EGF: variants seen among roughly 807,000 people sequenced by gnomAD.
The protein encoded by EGF is epidermal growth factor.
A neutral mutation model predicts 143.8 loss-of-function variants in EGF; 95 were observed. The observed-to-expected ratio is 0.66, with a 90% CI of 0.56 to 0.78. The LOEUF is 0.78. Among genes scored for constraint, EGF ranks in the 30% least tolerant of loss-of-function variants. EGF has a pLI of 0.00. For synonymous variants in EGF, 510 were observed against 510.5 expected, an observed-to-expected ratio of 1.00 and a Z score of 0.01; for missense variants, 1,320 against 1,470.9, an observed-to-expected ratio of 0.90 and a Z score of 1.68.
chr4:109,990,431 G>A (rs1252506729), intron 18 of EGF, among the ~76,000 whole-genome samples: 2 of 152,178 alleles, frequency 1.3e-5, no homozygotes, highest in Admixed American at 1.3e-4. Context: ...GAGCATGGGG[G>A]ATAAGTAATT....
chr4:110,004,766 T>A, intron 22 of EGF, 144 bp downstream of exon 22: 1 of 192,318 alleles, frequency 5.2e-6, no homozygotes, highest in South Asian at 5.1e-5. Flanking sequence ...CCACATCAGC[T>A]AGGGAGGTCC....
chr4:109,927,031 T>C (rs974636242), intron 1 of EGF, among the ~76,000 whole-genome samples: 54 of 152,244 alleles, frequency 3.5e-4, no homozygotes, highest in African/African-American at 1.3e-3. Context: ...AGTTTTTGTC[T>C]TTTTAAATCC....
At chr4:110,001,859 A>G (rs1296042574) in intron 21 of EGF, 1 of 985,300 alleles carries the variant, frequency 1.0e-6, no homozygotes, top group Non-Finnish European at 1.2e-6. Flanking sequence ...AAATGCATCC[A>G]GAGTTGTACA....
At chr4:109,993,143 C>A in intron 18 of EGF, 104 bp from the exon 19 acceptor site, 2 of 1,453,680 alleles carry the variant, frequency 1.4e-6, no homozygotes, top group Non-Finnish European at 1.9e-6. Context: ...GAACATATAG[C>A]ATGACAGAAG....
chr4:109,998,904 A>AT (rs1752179630), intron 20 of EGF, among the ~76,000 whole-genome samples: 1 of 152,244 alleles, frequency 6.6e-6, no homozygotes, highest in African/African-American at 2.4e-5. Flanking sequence ...GCAAAGGATA[A>AT]TAGAATACAG....
At position 109,948,497 on chromosome 4, in the gene EGF, G is replaced by T. The variant is rs190299104; in HGVS notation, c.940+3222G>T. 3.8e-3 allele frequency among the ~76,000 whole-genome samples: 571 copies of T among 151,644 alleles called. 6 individuals are homozygous for T. Among genetic ancestry groups the T allele is most frequent in the African/African-American group, 0.013 (542 of 41,370 alleles). ...TTGACATCCTTCGGATTTTTTTTTG[G>T]GGGGGTGGATGAAGTCTGGCTCTGT... On this transcript the variant is annotated intron_variant, in intron 5 of 23. Transcript: ENST00000265171.
chr4:110,004,132 T>C, intron 21 of EGF: 1 of 349,836 alleles, frequency 2.9e-6, no homozygotes, highest in Non-Finnish European at 5.6e-6. Flanking sequence ...ACTAGGACAG[T>C]GCCTGGGGTA....
chr4:109,956,006 C>G (rs1744730600), intron 5 of EGF, among the ~76,000 whole-genome samples: 1 of 152,154 alleles, frequency 6.6e-6, no homozygotes, highest in East Asian at 1.9e-4. Flanking sequence ...AAAGCATTTT[C>G]TACACCTGAG....
At chr4:109,983,311 A>G (rs1749659200) in intron 15 of EGF, 111 bp from the exon 16 acceptor site, 1 of 1,274,600 alleles carries the variant, frequency 7.8e-7, no homozygotes, top group Admixed American at 2.0e-5. Context: ...CTCTTACTGT[A>G]AGAATGAGTC....
chr4:110,011,592 A>T lies in EGF; in HGVS notation c.*137A>T. ...AATCACCTACTCAATGCCTGGAGAC[A>T]GATACGTAGTTGTGCTTTTGTTTGC... On this transcript the variant is annotated 3_prime_UTR_variant, in exon 24 of 24. Coordinates refer to ENST00000265171, the MANE Select transcript of EGF (RefSeq NM_001963.6). 7.6e-7 allele frequency: 1 copy of T among 1,322,618 alleles called. No homozygotes were observed. Among genetic ancestry groups the T allele is most frequent in the Non-Finnish European group, 1.0e-6 (1 of 953,494 alleles). The allele number at this position is 1,322,618 out of a possible 1,614,324, so 81.9% of individuals were successfully genotyped here.
chr4:109,943,703 C>T (rs1742328054), intron 3 of EGF, 139 bp from the exon 4 acceptor site: 1 of 797,200 alleles, frequency 1.3e-6, no homozygotes, highest in Non-Finnish European at 2.2e-6. Flanking sequence ...TACAATAGGG[C>T]AGTGTTTACT....
chr4:109,988,210 T>A (rs1328583940), intron 17 of EGF, among the ~76,000 whole-genome samples: 1 of 150,696 alleles, frequency 6.6e-6, no homozygotes, highest in Admixed American at 6.6e-5. Context: ...TTTTTTTTTT[T>A]ACCCCAGAAG....
chr4:109,976,159 C>T lies in EGF; in HGVS notation c.1977C>T (p.Cys659=), dbSNP rs11568993. ...TCTTAACTGACAAGTTGTACTGGTG[C>T]GATGCCAAGCAGTCTGTGATTGAAA... ...IDFLTDKLYW[C]DAKQSVIEMA... is the part of the protein sequence containing the mutation. The change falls in exon 13 of 24, where the codon TGC becomes TGT. Residue 659 remains cysteine, a synonymous_variant. Transcript: ENST00000265171. 115,299 of 1,614,006 alleles carry T rather than the reference C, an allele frequency of 0.071. 4,842 individuals carry two copies. Among genetic ancestry groups the T allele is most frequent in the Middle Eastern group, 0.087 (526 of 6,058 alleles).
chr4:109,971,687 A>T lies in EGF; in HGVS notation c.1724+2568A>T, dbSNP rs1412776814. Among the ~76,000 whole-genome samples the T allele has an allele frequency of 1.3e-5, 2 of 152,142 alleles. 1 individual carries two copies. Among genetic ancestry groups the T allele is most frequent in the Non-Finnish European group, 2.9e-5 (2 of 68,028 alleles). ...CTCTAAAGGCAGCTGCTAAAAGAAA[A>T]CCTTTAATTTATCTGGAAATGAGAG... On this transcript the variant is annotated intron_variant, in intron 11 of 23. Coordinates refer to ENST00000265171, the MANE Select transcript of EGF (RefSeq NM_001963.6).
chr4:109,968,843 G>T (rs1472617205), intron 10 of EGF, 128 bp from the exon 11 acceptor site: 6 of 1,204,582 alleles, frequency 5.0e-6, no homozygotes, highest in Admixed American at 2.0e-5. Flanking sequence ...TTCGAATTTA[G>T]TTGCAGGTGT....
intron 5 of EGF, among the ~76,000 whole-genome samples, chr4:109,957,173 T>G (rs1442397120): frequency 1.3e-5 from 2 of 152,178 alleles, no homozygotes; most frequent in Non-Finnish European, 2.9e-5. Context: ...GGCAACTGAT[T>G]TAGACTGAGC....
At chr4:110,002,146 C>A in intron 21 of EGF, 1 of 631,050 alleles carries the variant, frequency 1.6e-6, no homozygotes, top group Non-Finnish European at 2.0e-6. Context: ...CATTCCTTGC[C>A]TGTCTTGTCT....
intron 1 of EGF, among the ~76,000 whole-genome samples, chr4:109,932,471 C>T (rs1251392897): frequency 2.0e-5 from 3 of 149,026 alleles, no homozygotes; most frequent in South Asian, 2.1e-4. Context: ...CTCCACCACC[C>T]GGGTTCACAC....
At chr4:109,976,266 C>T (rs1181140205) in intron 13 of EGF, 31 bp downstream of exon 13, 1 of 1,575,522 alleles carries the variant, frequency 6.3e-7, no homozygotes, top group Non-Finnish European at 8.7e-7. Flanking sequence ...ATTTTTTCAT[C>T]TTGACTGAGT....
Sources: allele counts gnomAD v4.1 joint callset (sites outside exome capture counted in the v4.1 genomes callset), GRCh38; gene constraint gnomAD v4.1.1; transcripts MANE v1.5; gene names NCBI Gene and HGNC (gene_info 2026-07-23, HGNC 2026-07-21).